Variants in AFG2A observed in about 807,000 individuals in gnomAD.
The protein encoded by AFG2A is ATPase family gene 2 protein homolog A.
the AFG2A span, among the ~76,000 whole-genome samples, chr4:122,937,951 T>G: frequency 0.041 from 6,234 of 152,232 alleles, 412 homozygotes; most frequent in African/African-American, 0.14. Context: ...AGTTAGTGAA[T>G]TAGTATTTTG....
chr4:123,223,432 G>A, the AFG2A span, among the ~76,000 whole-genome samples: 1 of 152,114 alleles, frequency 6.6e-6, no homozygotes, highest in Non-Finnish European at 1.5e-5. Context: ...CTGAGATGGG[G>A]TAATTTATAA....
the AFG2A span, among the ~76,000 whole-genome samples, chr4:123,185,207 C>G: frequency 6.7e-6 from 1 of 149,728 alleles, no homozygotes; most frequent in African/African-American, 2.4e-5. Flanking sequence ...CTTTATTTAG[C>G]TACTGAGTTG....
chr4:123,007,012 G>C, the AFG2A span, among the ~76,000 whole-genome samples: 1 of 150,832 alleles, frequency 6.6e-6, no homozygotes, highest in South Asian at 2.1e-4. Context: ...TTGCATGCCT[G>C]GTAATTTCTG....
At chr4:123,187,685 A>G in the AFG2A span, among the ~76,000 whole-genome samples, 70 of 151,992 alleles carry the variant, frequency 4.6e-4, 2 homozygotes, top group South Asian at 4.2e-3. Flanking sequence ...TTTTGTAAGG[A>G]TATAATGCCA....
At chr4:123,304,197 C>G in the AFG2A span, among the ~76,000 whole-genome samples, 1 of 152,184 alleles carries the variant, frequency 6.6e-6, no homozygotes, top group African/African-American at 2.4e-5. Flanking sequence ...TGACTTCCAT[C>G]TGCTGCTCTG....
the AFG2A span, among the ~76,000 whole-genome samples, chr4:123,297,574 C>T: frequency 1.3e-5 from 2 of 152,002 alleles, no homozygotes; most frequent in Non-Finnish European, 2.9e-5. Context: ...AAAAAATTAG[C>T]CAGATGTGGT....
the AFG2A span, among the ~76,000 whole-genome samples, chr4:122,972,086 A>G: frequency 1.3e-5 from 2 of 152,146 alleles, no homozygotes; most frequent in African/African-American, 2.4e-5. Flanking sequence ...TTAATGTCAT[A>G]TTCATCCTTA....
At chr4:123,177,277 C>T in the AFG2A span, among the ~76,000 whole-genome samples, 2 of 151,100 alleles carry the variant, frequency 1.3e-5, no homozygotes, top group South Asian at 2.1e-4. Context: ...ACTGCAGCCT[C>T]CGCCTCCCAG....
At chr4:123,032,297 G>A in the AFG2A span, among the ~76,000 whole-genome samples, 1 of 152,138 alleles carries the variant, frequency 6.6e-6, no homozygotes, top group African/African-American at 2.4e-5. Context: ...CAGAGTACAG[G>A]TGCTCCCCAA....
At chr4:123,003,920 A>G in the AFG2A span, among the ~76,000 whole-genome samples, 1 of 152,228 alleles carries the variant, frequency 6.6e-6, no homozygotes, top group African/African-American at 2.4e-5. Context: ...GGTGGAGCCT[A>G]CAGAGGCAGG....
chr4:122,976,111 A>G, the AFG2A span, among the ~76,000 whole-genome samples: 1 of 152,220 alleles, frequency 6.6e-6, no homozygotes, highest in South Asian at 2.1e-4. Flanking sequence ...ATTGAGGTAT[A>G]GTGTTTTGAA....
At chr4:123,174,475 T>C in the AFG2A span, among the ~76,000 whole-genome samples, 1 of 152,224 alleles carries the variant, frequency 6.6e-6, no homozygotes, top group African/African-American at 2.4e-5. Context: ...AGAAAAAGTT[T>C]CTTAGATAGC....
At chr4:123,058,950 T>C in the AFG2A span, among the ~76,000 whole-genome samples, 2 of 152,056 alleles carry the variant, frequency 1.3e-5, no homozygotes, top group Admixed American at 6.6e-5. Flanking sequence ...ACAAGTCAAG[T>C]CCCTTCCACC....
At chr4:123,130,608 A>G in the AFG2A span, among the ~76,000 whole-genome samples, 2 of 152,052 alleles carry the variant, frequency 1.3e-5, no homozygotes, top group Non-Finnish European at 2.9e-5. Flanking sequence ...CTTTTTTATT[A>G]TTGGGTATTA....
At chr4:122,996,816 G>C in the AFG2A span, among the ~76,000 whole-genome samples, 4 of 152,064 alleles carry the variant, frequency 2.6e-5, no homozygotes, top group Admixed American at 6.6e-5. Context: ...AGAACCCAGG[G>C]GGCTGCTGGT....
the AFG2A span, among the ~76,000 whole-genome samples, chr4:123,099,629 A>C: frequency 1.3e-5 from 2 of 151,888 alleles, no homozygotes; most frequent in South Asian, 4.1e-4. Context: ...ACTGAACTTA[A>C]ATAATAGTAG....
chr4:123,032,222 G>A, the AFG2A span, among the ~76,000 whole-genome samples: 2 of 152,118 alleles, frequency 1.3e-5, no homozygotes, highest in African/African-American at 2.4e-5. Context: ...GTCTCAGAGA[G>A]GAATTGTATA....
At chr4:123,002,088 T>G in the AFG2A span, among the ~76,000 whole-genome samples, 1 of 151,794 alleles carries the variant, frequency 6.6e-6, no homozygotes, top group Non-Finnish European at 1.5e-5. Flanking sequence ...TGATCTTTGT[T>G]GGTTTAAAGT....
chr4:123,118,428 G>A, the AFG2A span, among the ~76,000 whole-genome samples: 1 of 147,854 alleles, frequency 6.8e-6, no homozygotes, highest in African/African-American at 2.5e-5. Context: ...ATACCCTTCA[G>A]TACTTTGCTT....
Sources: gnomAD v4.1 joint callset for allele counts (sites outside exome capture counted in the v4.1 genomes callset) on GRCh38, gnomAD v4.1.1 for gene constraint, MANE v1.5 for transcripts, NCBI Gene and HGNC (gene_info 2026-07-23, HGNC 2026-07-21) for gene names.